Variants in CSMD1 observed in about 807,000 individuals in gnomAD.
The protein encoded by CSMD1 is CUB and sushi domain-containing protein 1.
CSMD1 carries 213 observed loss-of-function variants against 417.5 expected under a neutral mutation model. That is an observed-to-expected ratio of 0.51 (90% CI 0.46 to 0.57). The LOEUF (loss-of-function observed/expected upper bound fraction) is 0.57, where lower values mean the gene tolerates loss of function less well. CSMD1 is among the 20% of genes least tolerant of loss of function. The probability of loss-of-function intolerance (pLI) is 0.00; values close to 1 mark genes in which losing one functional copy is unlikely to be tolerated. For missense variants in CSMD1, 6,923 were observed against 4,529.7 expected, an observed-to-expected ratio of 1.53 and a Z score of -15.17; for synonymous variants, 2,862 against 1,736.8, an observed-to-expected ratio of 1.65 and a Z score of -16.11.
chr8:3,756,029 C>T (rs868548561), intron 5 of CSMD1, among the ~76,000 whole-genome samples: 3 of 152,050 alleles, frequency 2.0e-5, no homozygotes, highest in Non-Finnish European at 4.4e-5. Context: ...GTCTGTGCCA[C>T]TCACCTGTAC....
rs144450375 is a variant in CSMD1 at position 3,248,962 on chromosome 8, C to T, written c.4154-18731G>A. Among the ~76,000 whole-genome samples, 449 of 152,216 alleles carry T rather than the reference C, an allele frequency of 2.9e-3. 1 individual carries two copies. Among genetic ancestry groups the T allele is most frequent in the Middle Eastern group, 0.01 (3 of 294 alleles). On this transcript the variant is annotated intron_variant, in intron 26 of 69. Transcript: ENST00000635120. ...AAAAATTGTTCCCCGCACTCCACCTCGGTCTGCTTTTACCTTCTCTAGAAG... is the reference window on the plus strand; with the variant it reads ...AAAAATTGTTCCCCGCACTCCACCTTGGTCTGCTTTTACCTTCTCTAGAAG...
At chr8:4,764,877 A>AAAACAAAAC (rs1812343167) in intron 1 of CSMD1, among the ~76,000 whole-genome samples, 1 of 41,990 alleles carries the variant, frequency 2.4e-5, no homozygotes, top group African/African-American at 1.1e-4. Flanking sequence ...CATCTCAAAA[A>AAAACAAAAC]AAAAAAAAAA....
rs1215260945 is a variant in CSMD1, at chr8:3,478,777, C to T, written c.1449-9953G>A. Among the ~76,000 whole-genome samples the T allele has an allele frequency of 2.6e-5, 4 of 152,138 alleles. No homozygotes were observed. The South Asian group carries it at 6.2e-4, about 24-fold the overall frequency. ...AAACATCCAAGGAAGTCTTCATGTT[C>T]CTTGTGGTCCCAGGGCTGCCTTGTC... is the stretch of plus-strand genomic sequence containing the variant. On this transcript the variant is annotated intron_variant, in intron 11 of 69. Transcript: ENST00000635120.
chr8:4,175,998 G>C (rs1432616384), intron 3 of CSMD1, among the ~76,000 whole-genome samples: 1 of 152,138 alleles, frequency 6.6e-6, no homozygotes, highest in East Asian at 1.9e-4. Flanking sequence ...TCCTTGAGAG[G>C]CTAGCCCAGG....
intron 7 of CSMD1, among the ~76,000 whole-genome samples, chr8:3,635,101 G>A (rs1796967817): frequency 1.3e-5 from 2 of 152,116 alleles, no homozygotes; most frequent in African/African-American, 4.8e-5. Context: ...CAGAGCTTGT[G>A]GGCCTTGACG....
chr8:3,779,631 G>C (rs1484000049), intron 5 of CSMD1, among the ~76,000 whole-genome samples: 1 of 152,132 alleles, frequency 6.6e-6, no homozygotes, highest in African/African-American at 2.4e-5. Flanking sequence ...TAATGACAGC[G>C]TTAATATTTT....
At chr8:4,149,084 C>T (rs113287940) in intron 3 of CSMD1, among the ~76,000 whole-genome samples, 1,880 of 152,138 alleles carry the variant, frequency 0.012, 35 homozygotes, top group African/African-American at 0.043. Flanking sequence ...CTGCCTCAGC[C>T]TCCCAAGTAG....
At chr8:4,028,446 C>T (rs917404150) in intron 4 of CSMD1, among the ~76,000 whole-genome samples, 1 of 151,866 alleles carries the variant, frequency 6.6e-6, no homozygotes, top group Non-Finnish European at 1.5e-5. Context: ...CCGTCATATG[C>T]CATTATGAAT....
chr8:4,980,398 A>C (rs1810822128), intron 1 of CSMD1, among the ~76,000 whole-genome samples: 1 of 152,160 alleles, frequency 6.6e-6, no homozygotes, highest in African/African-American at 2.4e-5. Flanking sequence ...TGAGATGGAG[A>C]GGCAGGTCTG....
intron 5 of CSMD1, among the ~76,000 whole-genome samples, chr8:3,754,660 G>C (rs1797555564): frequency 6.6e-6 from 1 of 152,090 alleles, no homozygotes; most frequent in Non-Finnish European, 1.5e-5. Context: ...TTGCCGTGTT[G>C]GCCAGGCTGG....
chr8:3,429,254 C>A (rs1814055247), intron 12 of CSMD1, among the ~76,000 whole-genome samples: 1 of 152,068 alleles, frequency 6.6e-6, no homozygotes, highest in Admixed American at 6.6e-5. Flanking sequence ...CTTGATTTGA[C>A]CATTTCACAA....
At chr8:4,821,803 T>C (rs890967356) in intron 1 of CSMD1, among the ~76,000 whole-genome samples, 1 of 152,076 alleles carries the variant, frequency 6.6e-6, no homozygotes, top group African/African-American at 2.4e-5. Context: ...ATTGGGTACG[T>C]GTAACTAAAT....
At chr8:4,794,446 T>C (rs1797862209) in intron 1 of CSMD1, among the ~76,000 whole-genome samples, 1 of 152,148 alleles carries the variant, frequency 6.6e-6, no homozygotes, top group Non-Finnish European at 1.5e-5. Context: ...TAAAACAAAA[T>C]GGTTCCTCAT....
At chr8:4,106,726 C>G (rs1376253570) in intron 3 of CSMD1, among the ~76,000 whole-genome samples, 1 of 152,132 alleles carries the variant, frequency 6.6e-6, no homozygotes, top group African/African-American at 2.4e-5. Context: ...TTTATACACA[C>G]AGCTCTTAAG....
chr8:4,343,946 A>G (rs901970721), intron 3 of CSMD1, among the ~76,000 whole-genome samples: 2 of 149,588 alleles, frequency 1.3e-5, no homozygotes, highest in Admixed American at 6.6e-5. Flanking sequence ...AAAAATTATA[A>G]TAAGTATTTT....
chr8:3,779,140 C>T (rs1799043570), intron 5 of CSMD1, among the ~76,000 whole-genome samples: 3 of 140,840 alleles, frequency 2.1e-5, no homozygotes, highest in African/African-American at 8.1e-5. Flanking sequence ...TTTCACTATG[C>T]GTGCATACTT....
intron 3 of CSMD1, among the ~76,000 whole-genome samples, chr8:4,191,821 T>C (rs562951347): frequency 6.6e-6 from 1 of 151,354 alleles, no homozygotes; most frequent in South Asian, 2.1e-4. Flanking sequence ...TATCGAATGA[T>C]TTACAATATG....
intron 2 of CSMD1, among the ~76,000 whole-genome samples, chr8:4,431,796 T>A (rs952486120): frequency 6.6e-5 from 10 of 152,134 alleles, no homozygotes; most frequent in African/African-American, 2.4e-4. Flanking sequence ...TAGCAAATGC[T>A]TAATAAGTTG....
chr8:4,886,598 T>A (rs942708820), intron 1 of CSMD1, among the ~76,000 whole-genome samples: 2 of 151,990 alleles, frequency 1.3e-5, no homozygotes, highest in Non-Finnish European at 2.9e-5. Context: ...TTGTTTCATA[T>A]AATTCAGCAG....
Sources: gnomAD v4.1 joint callset for allele counts (sites outside exome capture counted in the v4.1 genomes callset) on GRCh38, gnomAD v4.1.1 for gene constraint, MANE v1.5 for transcripts, NCBI Gene and HGNC (gene_info 2026-07-23, HGNC 2026-07-21) for gene names.